The following ZCCHC7 variants were observed in gnomAD, a reference collection of about 807,000 sequenced individuals.
ZCCHC7 encodes the protein zinc finger CCHC domain-containing protein 7.
In ZCCHC7, 35 loss-of-function variants were observed where a neutral mutation model predicts 52.0. The ratio of observed to expected loss-of-function variants is 0.67; its 90% CI spans 0.51 to 0.89. The LOEUF (loss-of-function observed/expected upper bound fraction) is 0.89. Ranked by LOEUF, ZCCHC7 falls within the 40% of genes least tolerant of loss-of-function variation. The probability of loss-of-function intolerance (pLI) is 0.00; values close to 1 mark genes in which losing one functional copy is unlikely to be tolerated. For missense variants in ZCCHC7, 574 were observed against 649.1 expected (o/e 0.88, Z 1.26); for synonymous variants, 217 against 221.5 (o/e 0.98, Z 0.18).
intron 3 of ZCCHC7, among the ~76,000 whole-genome samples, chr9:37,303,459 G>GC (rs777576452): frequency 3.3e-5 from 5 of 151,014 alleles, no homozygotes; most frequent in Non-Finnish European, 7.4e-5. Context: ...AAAGAAGTCA[G>GC]CAGTGGCTTT....
intron 5 of ZCCHC7, among the ~76,000 whole-genome samples, chr9:37,323,278 A>G (rs1830120721): frequency 6.6e-6 from 1 of 152,340 alleles, no homozygotes; most frequent in Admixed American, 6.5e-5. Context: ...TATTTGTGAA[A>G]TTAACCTTGA....
chr9:37,156,061 G>T (rs1195289454), intron 2 of ZCCHC7, among the ~76,000 whole-genome samples: 2 of 152,138 alleles, frequency 1.3e-5, no homozygotes, highest in Non-Finnish European at 2.9e-5. Flanking sequence ...ATGTGTGTTA[G>T]CTGTTATTTT....
chr9:37,164,253 C>T (rs1395651686), intron 2 of ZCCHC7, among the ~76,000 whole-genome samples: 1 of 151,992 alleles, frequency 6.6e-6, no homozygotes, highest in Non-Finnish European at 1.5e-5. Context: ...ACCAGCCTGG[C>T]CAAAATGGCA....
chr9:37,177,509 C>T (rs1313333399), intron 2 of ZCCHC7, among the ~76,000 whole-genome samples: 2 of 152,048 alleles, frequency 1.3e-5, no homozygotes, highest in African/African-American at 4.8e-5. Context: ...GCCATACCTA[C>T]AGAGAGCAGC....
At chr9:37,157,198 A>G (rs1160126149) in intron 2 of ZCCHC7, among the ~76,000 whole-genome samples, 2 of 52,810 alleles carry the variant, frequency 3.8e-5, no homozygotes, top group African/African-American at 1.4e-4. Flanking sequence ...AACTTAGTTG[A>G]AAAAAAAAAA....
intron 2 of ZCCHC7, among the ~76,000 whole-genome samples, chr9:37,192,928 A>T (rs62535717): frequency 6.6e-6 from 1 of 152,172 alleles, no homozygotes; most frequent in Non-Finnish European, 1.5e-5. Flanking sequence ...TAGATGTTCA[A>T]TGGAACAGTG....
rs1830104447 is a variant in ZCCHC7, at chr9:37,322,799, C to A, written c.952-5000C>A. On this transcript the variant is annotated intron_variant, in intron 5 of 8. Coordinates refer to ENST00000336755, the MANE Select transcript of ZCCHC7 (RefSeq NM_032226.3). ...TATTATGTCTTTATCAACAGGTCAC[C>A]TAAACTGAGTTTCTTCTAGGTTTGG... Among the ~76,000 whole-genome samples the A allele has an allele frequency of 2.0e-5, 3 of 151,700 alleles. No homozygotes were observed. In the South Asian group the frequency reaches 6.3e-4, roughly 32 times the overall value.
chr9:37,294,262 T>C (rs961680192), intron 2 of ZCCHC7, among the ~76,000 whole-genome samples: 10 of 152,232 alleles, frequency 6.6e-5, no homozygotes, highest in Non-Finnish European at 1.0e-4. Flanking sequence ...CAGATGCTGC[T>C]GATGAAGTTG....
chr9:37,357,126 G>C lies in ZCCHC7; in HGVS notation c.1490G>C (p.Arg497Pro). 6.2e-7 allele frequency: 1 copy of C among 1,613,410 alleles called. No homozygotes were observed. Among genetic ancestry groups the C allele is most frequent in the Non-Finnish European group, 8.5e-7 (1 of 1,179,894 alleles). Residue 497 changes from arginine to proline, a missense_variant, in exon 9 of 9, where the codon CGT becomes CCT. This residue lies in a region of ZCCHC7 where 168 missense variants were observed against 171.6 expected (regional missense o/e 0.98). Transcript: ENST00000336755. Reference protein sequence around the residue: ...KTQKPSKPFHRSSHYHTSRED... With the variant: ...KTQKPSKPFHPSSHYHTSRED... Reference sequence around the variant, plus strand: ...CAGAAGCCTTCTAAGCCCTTTCACCGTTCATCACATTACCACACGTCAAGA... The same window carrying C: ...CAGAAGCCTTCTAAGCCCTTTCACCCTTCATCACATTACCACACGTCAAGA...
At chr9:37,180,279 C>T (rs1284279310) in intron 2 of ZCCHC7, among the ~76,000 whole-genome samples, 2 of 151,950 alleles carry the variant, frequency 1.3e-5, no homozygotes, top group Non-Finnish European at 2.9e-5. Flanking sequence ...CTTTTAGGAG[C>T]TTATTAAAAG....
chr9:37,310,545 CA>C (rs1829539553), intron 5 of ZCCHC7, among the ~76,000 whole-genome samples: 2 of 152,202 alleles, frequency 1.3e-5, no homozygotes, highest in Admixed American at 1.3e-4. Context: ...TCCTATTTTA[CA>C]AACTGAAAAC....
chr9:37,121,988 G>C (rs984002018), intron 1 of ZCCHC7, among the ~76,000 whole-genome samples: 2 of 152,156 alleles, frequency 1.3e-5, no homozygotes, highest in African/African-American at 4.8e-5. Flanking sequence ...AGCTTACTAA[G>C]AGTAAGAAAA....
At chr9:37,131,886 T>C (rs1842799934) in intron 2 of ZCCHC7, among the ~76,000 whole-genome samples, 1 of 152,222 alleles carries the variant, frequency 6.6e-6, no homozygotes, top group African/African-American at 2.4e-5. Flanking sequence ...ATGGTGGTTT[T>C]GCCTGTAGTA....
intron 1 of ZCCHC7, among the ~76,000 whole-genome samples, chr9:37,125,288 G>A (rs2132678125): frequency 6.6e-6 from 1 of 152,278 alleles, no homozygotes; most frequent in South Asian, 2.1e-4. Flanking sequence ...TAGTAGCTGG[G>A]ACTACAGGTT....
chr9:37,241,734 C>G (rs1288603624), intron 2 of ZCCHC7, among the ~76,000 whole-genome samples: 1 of 151,762 alleles, frequency 6.6e-6, no homozygotes, highest in Non-Finnish European at 1.5e-5. Context: ...TATAGTATAG[C>G]TTTCCTGAGT....
intron 2 of ZCCHC7, among the ~76,000 whole-genome samples, chr9:37,265,305 T>A (rs1351159215): frequency 6.6e-6 from 1 of 152,214 alleles, no homozygotes; most frequent in Non-Finnish European, 1.5e-5. Context: ...CCTTACAGGA[T>A]GAAAGGTATT....
intron 2 of ZCCHC7, among the ~76,000 whole-genome samples, chr9:37,133,842 G>A (rs868572357): frequency 2.6e-5 from 4 of 152,150 alleles, no homozygotes; most frequent in Admixed American, 6.5e-5. Context: ...GCCCACCTTG[G>A]CCTCCCAAAG....
At chr9:37,331,716 G>T (rs1476258211) in intron 6 of ZCCHC7, among the ~76,000 whole-genome samples, 2 of 151,592 alleles carry the variant, frequency 1.3e-5, no homozygotes, top group East Asian at 3.9e-4. Context: ...AAGTCAGCCA[G>T]AATCTTTTCT....
rs572083684 is a variant in ZCCHC7 at position 37,231,237 on chromosome 9, C to T, written c.611-70951C>T. On this transcript the variant is annotated intron_variant, in intron 2 of 8. Coordinates refer to ENST00000336755, the MANE Select transcript of ZCCHC7 (RefSeq NM_032226.3). ...TTGAGATTACAGGCATGAGCCACCG[C>T]GCCTGGCCATAAACGTCTTTGGGGC... 1.8e-3 allele frequency among the ~76,000 whole-genome samples: 269 copies of T among 152,282 alleles called. 2 individuals carry two copies. The highest frequency in any genetic ancestry group is 3.4e-3 in the Middle Eastern group (1 of 294).
Sources: allele counts gnomAD v4.1 joint callset (sites outside exome capture counted in the v4.1 genomes callset), GRCh38; gene constraint gnomAD v4.1.1; regional missense constraint gnomAD v4.1.1; transcripts MANE v1.5; gene names NCBI Gene and HGNC (gene_info 2026-07-23, HGNC 2026-07-21).